MAP2: variants seen among roughly 807,000 people sequenced by gnomAD.
MAP2 encodes microtubule associated protein 2.
MAP2 carries 14 observed loss-of-function variants against 137.6 expected under a neutral mutation model. The ratio of observed to expected loss-of-function variants is 0.10; its 90% CI spans 0.07 to 0.16. The LOEUF is 0.16. MAP2 is among the 10% of genes least tolerant of loss of function. The pLI, the probability that MAP2 is intolerant of heterozygous loss-of-function variation, is 1.00. For synonymous variants in MAP2, 786 were observed against 782.3 expected (o/e 1.00, Z -0.08); for missense variants, 2,088 against 2,191.5 (o/e 0.95, Z 0.94).
intron 1 of MAP2, among the ~76,000 whole-genome samples, chr2:209,435,990 T>TAG (rs1559159420): frequency 1.1e-5 from 1 of 87,980 alleles, no homozygotes; most frequent in Non-Finnish European, 2.0e-5. Flanking sequence ...ACAGTATATA[T>TAG]TATATACTAT....
chr2:209,623,841 T>A (rs2091777464), intron 3 of MAP2, among the ~76,000 whole-genome samples: 1 of 152,206 alleles, frequency 6.6e-6, no homozygotes, highest in Non-Finnish European at 1.5e-5. Context: ...GAATGGAGAA[T>A]TCTACCATGT....
At chr2:209,573,276 TTTTC>T (rs1410889684) in intron 2 of MAP2, among the ~76,000 whole-genome samples, 4 of 150,746 alleles carry the variant, frequency 2.7e-5, no homozygotes, top group Non-Finnish European at 5.9e-5. Context: ...TTTTTTTTTC[TTTTC>T]TTTATTTTTC....
intron 4 of MAP2, among the ~76,000 whole-genome samples, chr2:209,652,904 G>A (rs2094904153): frequency 6.6e-6 from 1 of 151,976 alleles, no homozygotes; most frequent in Admixed American, 6.6e-5. Context: ...TTTACAAAAA[G>A]GAATATGTGT....
chr2:209,649,993 A>G (rs10172200), intron 4 of MAP2, among the ~76,000 whole-genome samples: 27,130 of 152,168 alleles, frequency 0.18, 3,363 homozygotes, highest in African/African-American at 0.35. Flanking sequence ...ACAAATTATC[A>G]TAATATTTTT....
chr2:209,537,076 A>G (rs777316369), intron 2 of MAP2, among the ~76,000 whole-genome samples: 1 of 152,174 alleles, frequency 6.6e-6, no homozygotes, highest in Non-Finnish European at 1.5e-5. Context: ...TGCTTCACAG[A>G]TAATGCATGT....
chr2:209,571,290 C>T (rs779410777), intron 2 of MAP2, among the ~76,000 whole-genome samples: 17 of 151,848 alleles, frequency 1.1e-4, no homozygotes, highest in Non-Finnish European at 2.2e-4. Context: ...ATAGAGTGCC[C>T]TCTACCCCAT....
rs397962922 is a variant in MAP2 at position 209,539,934 on chromosome 2, GA to G, written c.-172+32311del. On this transcript the variant is annotated intron_variant, in intron 2 of 15. Transcript: ENST00000682079. ...GTAACATAGTGAGACCCCATCTCAC[GA>G]AAAAAAAAAAAAAAAAATAGCCAGG... Among the ~76,000 whole-genome samples, 413 of 82,168 alleles carry G rather than the reference GA, an allele frequency of 5.0e-3. 2 individuals are homozygous for G. The highest frequency in any genetic ancestry group is 9.1e-3 in the South Asian group (22 of 2,422). 53.9% of individuals were successfully genotyped at this position (82,168 alleles called of 152,430 possible).
rs2076013901 is a variant in MAP2 at position 209,733,307 on chromosome 2, T to C, written c.*2910T>C. ...GCCACGTTCATTTAGGAACCAACTC[T>C]CTCTGGATTTACCTGCTGAGTTCCA... On this transcript the variant is annotated 3_prime_UTR_variant, in exon 16 of 16. Transcript: ENST00000682079. The C allele has an allele frequency of 6.6e-6, 1 of 152,540 alleles. No homozygotes were observed. Among genetic ancestry groups the C allele is most frequent in the Non-Finnish European group, 1.5e-5 (1 of 68,024 alleles). 9.4% of individuals were successfully genotyped at this position (152,540 alleles called of 1,614,324 possible). A position where few individuals can be genotyped will look rare whatever the true frequency, so the allele number is the denominator to read the frequency against.
intron 12 of MAP2, among the ~76,000 whole-genome samples, chr2:209,707,893 T>A (rs1202628105): frequency 1.3e-5 from 2 of 152,132 alleles, no homozygotes; most frequent in Admixed American, 1.3e-4. Flanking sequence ...TAGTAAAAAT[T>A]GTTATTCACA....
intron 1 of MAP2, among the ~76,000 whole-genome samples, chr2:209,488,842 G>C (rs891375159): frequency 2.0e-5 from 3 of 152,198 alleles, no homozygotes; most frequent in Admixed American, 1.3e-4. Flanking sequence ...CCTGGGGAAA[G>C]GGGGGGATGT....
At chr2:209,551,865 A>C (rs758304360) in intron 2 of MAP2, among the ~76,000 whole-genome samples, 1 of 152,110 alleles carries the variant, frequency 6.6e-6, no homozygotes, top group Non-Finnish European at 1.5e-5. Context: ...TGAAGTAGGG[A>C]CTTACTAAAG....
Position 209,733,577 on chromosome 2 carries a change from G to A in MAP2, c.*3180G>A, listed in dbSNP as rs1279501334. On this transcript the variant is annotated 3_prime_UTR_variant, in exon 16 of 16. Coordinates refer to ENST00000682079, the MANE Select transcript of MAP2 (RefSeq NM_001375505.1). ...TTATTAAGGAAATAACCTGAATGTG[G>A]TTGATTTTGACATAGCTGCAATTAC... 6.6e-6 allele frequency: 1 copy of A among 151,874 alleles called. No individual in the cohort carries two copies. 9.4% of individuals were successfully genotyped at this position (151,874 alleles called of 1,614,324 possible).
At chr2:209,652,959 T>C (rs951162336) in intron 4 of MAP2, among the ~76,000 whole-genome samples, 183 bp from the exon 5 acceptor site, 1 of 152,188 alleles carries the variant, frequency 6.6e-6, no homozygotes, top group Non-Finnish European at 1.5e-5. Context: ...ATTCCAGAAA[T>C]GGTCTGTAAA....
chr2:209,592,150 G>A (rs1407614730), intron 3 of MAP2, among the ~76,000 whole-genome samples: 3 of 152,148 alleles, frequency 2.0e-5, no homozygotes, highest in Admixed American at 2.0e-4. Context: ...TAAAGGGGCA[G>A]ATAGTAAATA....
intron 1 of MAP2, among the ~76,000 whole-genome samples, chr2:209,465,647 G>A (rs569044958): frequency 7.9e-4 from 120 of 152,218 alleles, no homozygotes; most frequent in Non-Finnish European, 1.5e-3. Flanking sequence ...ATTCTAGGAT[G>A]TAACCACTTG....
rs1197375408 is a variant in MAP2, at chr2:209,693,434, C to A, written c.1264C>A (p.Gln422Lys). The part of the protein sequence containing the change: ...KEAINQETVQ[Q>K]RDTFTPSGQE... Reference sequence around the variant, plus strand: ...GGCCATAAATCAAGAGACTGTGCAGCAAAGGGATACTTTCACCCCCAGTGG... The same window carrying A: ...GGCCATAAATCAAGAGACTGTGCAGAAAAGGGATACTTTCACCCCCAGTGG... Residue 422 changes from glutamine (Q) to lysine (K), a missense_variant, in exon 8 of 16, where the codon CAA (glutamine) becomes AAA (lysine). Physicochemically the swap from Gln to Lys is moderately conservative, Grantham distance 53. Transcript: ENST00000682079. 1.2e-6 allele frequency: 2 copies of A among 1,613,930 alleles called. No individual in the cohort carries two copies. Among genetic ancestry groups the A allele is most frequent in the Non-Finnish European group, 1.7e-6 (2 of 1,179,970 alleles).
At chr2:209,467,955 T>C (rs1292139283) in intron 1 of MAP2, among the ~76,000 whole-genome samples, 3 of 152,206 alleles carry the variant, frequency 2.0e-5, no homozygotes, top group Non-Finnish European at 4.4e-5. Context: ...GGTTGTTACA[T>C]AAAATAATTA....
chr2:209,427,692 A>C (rs1167679411), intron 1 of MAP2, among the ~76,000 whole-genome samples: 1 of 152,194 alleles, frequency 6.6e-6, no homozygotes, highest in Non-Finnish European at 1.5e-5. Context: ...TTATTTATTC[A>C]TTATGAGAAA....
intron 1 of MAP2, among the ~76,000 whole-genome samples, chr2:209,463,583 A>G (rs1238091135): frequency 6.6e-6 from 1 of 152,220 alleles, no homozygotes; most frequent in Non-Finnish European, 1.5e-5. Flanking sequence ...CCAATGAGAT[A>G]TAATCATAAT....
Sources: gnomAD v4.1 joint callset for allele counts (sites outside exome capture counted in the v4.1 genomes callset) on GRCh38, gnomAD v4.1.1 for gene constraint, MANE v1.5 for transcripts, NCBI Gene and HGNC (gene_info 2026-07-23, HGNC 2026-07-21) for gene names.